KIAA1217: variants seen among roughly 807,000 people sequenced by gnomAD.
The protein encoded by KIAA1217 is sickle tail protein homolog.
KIAA1217 carries 88 observed loss-of-function variants against 163.9 expected under a neutral mutation model. That is an observed-to-expected ratio of 0.54 (90% CI 0.45 to 0.64). The LOEUF (loss-of-function observed/expected upper bound fraction) is 0.64, where lower values mean the gene tolerates loss of function less well. Ranked by LOEUF, KIAA1217 falls within the 30% of genes least tolerant of loss-of-function variation. The probability of loss-of-function intolerance (pLI) is 0.00; values close to 1 mark genes in which losing one functional copy is unlikely to be tolerated. For synonymous variants in KIAA1217, 903 were observed against 923.1 expected, an observed-to-expected ratio of 0.98 and a Z score of 0.39; for missense variants, 2,372 against 2,475.0, an observed-to-expected ratio of 0.96 and a Z score of 0.88.
chr10:23,700,988 G>C (rs577509274), intron 1 of KIAA1217, among the ~76,000 whole-genome samples: 57 of 152,218 alleles, frequency 3.7e-4, no homozygotes, highest in African/African-American at 1.3e-3. Context: ...ATAGAAGGTA[G>C]TCTGTAAATA....
intron 6 of KIAA1217, among the ~76,000 whole-genome samples, chr10:24,477,431 G>A (rs566839676): frequency 6.6e-6 from 1 of 152,310 alleles, no homozygotes; most frequent in East Asian, 1.9e-4. Context: ...GACTATTAAA[G>A]AATTCTACAT....
chr10:24,343,708 T>TA (rs944816729), intron 2 of KIAA1217, among the ~76,000 whole-genome samples: 4 of 152,242 alleles, frequency 2.6e-5, no homozygotes, highest in Admixed American at 6.5e-5. Flanking sequence ...CTAGTGCTCT[T>TA]AGAGTTTAGC....
intron 3 of KIAA1217, among the ~76,000 whole-genome samples, chr10:24,424,037 A>C (rs991428598): frequency 1.3e-5 from 2 of 152,212 alleles, no homozygotes; most frequent in Non-Finnish European, 2.9e-5. Flanking sequence ...TTCAAGATAA[A>C]AACAGTGAAA....
intron 2 of KIAA1217, among the ~76,000 whole-genome samples, chr10:24,289,442 G>A (rs1213588698): frequency 6.6e-6 from 1 of 152,192 alleles, no homozygotes; most frequent in Non-Finnish European, 1.5e-5. Context: ...AAGAGGAGGA[G>A]AAGGTGGAGG....
chr10:23,842,591 C>T (rs1014287301), intron 1 of KIAA1217, among the ~76,000 whole-genome samples: 2 of 152,020 alleles, frequency 1.3e-5, no homozygotes, highest in African/African-American at 4.8e-5. Flanking sequence ...ATATTTAAAT[C>T]CTGAACTGAA....
At chr10:23,879,552 A>G (rs905892387) in intron 1 of KIAA1217, among the ~76,000 whole-genome samples, 8 of 151,922 alleles carry the variant, frequency 5.3e-5, no homozygotes, top group Admixed American at 5.3e-4. Context: ...TGGATTTACA[A>G]GTTGGGTCTT....
chr10:24,397,108 C>A (rs374669773), intron 3 of KIAA1217, among the ~76,000 whole-genome samples: 5 of 114,706 alleles, frequency 4.4e-5, no homozygotes, highest in East Asian at 2.6e-4. Flanking sequence ...GTAAGAAACT[C>A]TTTTTTTTTT....
chr10:24,292,682 T>C (rs1204775374), intron 2 of KIAA1217, among the ~76,000 whole-genome samples: 2 of 152,176 alleles, frequency 1.3e-5, no homozygotes, highest in South Asian at 4.1e-4. Flanking sequence ...AACCCATTGC[T>C]CTGCTGTTTT....
chr10:24,050,903 C>T (rs1200969380), intron 2 of KIAA1217, among the ~76,000 whole-genome samples: 2 of 152,056 alleles, frequency 1.3e-5, no homozygotes, highest in African/African-American at 2.4e-5. Context: ...CTTCAAATGT[C>T]CACTTCTTAA....
chr10:23,758,905 T>C (rs2130852261), intron 1 of KIAA1217, among the ~76,000 whole-genome samples: 1 of 151,768 alleles, frequency 6.6e-6, no homozygotes, highest in East Asian at 2.0e-4. Context: ...CAGGCTGGTC[T>C]TGAACTTCTG....
chr10:23,805,995 TCAAAAAAAAA>T, intron 1 of KIAA1217, among the ~76,000 whole-genome samples: 1 of 3,928 alleles, frequency 2.5e-4, no homozygotes, highest in Non-Finnish European at 4.3e-4. Flanking sequence ...AAACTCCATC[TCAAAAAAAAA>T]AAAAAAAAAA....
chr10:24,220,129 G>A (rs1032636360), intron 2 of KIAA1217, among the ~76,000 whole-genome samples: 11 of 152,114 alleles, frequency 7.2e-5, no homozygotes, highest in Non-Finnish European at 1.5e-5. Flanking sequence ...AAGAGAACAG[G>A]AGGCCAGGCC....
intron 5 of KIAA1217, among the ~76,000 whole-genome samples, chr10:24,453,392 G>A (rs144994197): frequency 1.1e-3 from 167 of 152,298 alleles, no homozygotes; most frequent in African/African-American, 3.7e-3. Context: ...CAGAAATCCT[G>A]TAGTTAGGCC....
intron 2 of KIAA1217, among the ~76,000 whole-genome samples, chr10:24,374,777 A>C (rs147271758): frequency 1.3e-5 from 2 of 152,042 alleles, no homozygotes; most frequent in Middle Eastern, 3.4e-3. Context: ...TCTTTTTTTA[A>C]ATTTTGTATT....
intron 2 of KIAA1217, among the ~76,000 whole-genome samples, chr10:24,175,199 CT>C (rs201076162): frequency 0.017 from 2,605 of 152,256 alleles, 79 homozygotes; most frequent in African/African-American, 0.059. Flanking sequence ...CCCTTCCATC[CT>C]TTTCCCGAGT....
intron 2 of KIAA1217, among the ~76,000 whole-genome samples, chr10:24,111,437 T>C (rs1257477162): frequency 1.3e-5 from 2 of 152,244 alleles, no homozygotes; most frequent in East Asian, 3.8e-4. Context: ...AGGCTATATT[T>C]TGTAGTGTCA....
chr10:23,823,993 C>T (rs1204454387), intron 1 of KIAA1217, among the ~76,000 whole-genome samples: 3 of 151,758 alleles, frequency 2.0e-5, no homozygotes, highest in East Asian at 1.9e-4. Flanking sequence ...AGGGACACAC[C>T]GGGCATGGTG....
chr10:24,334,236 T>C (rs948515083), intron 2 of KIAA1217, among the ~76,000 whole-genome samples: 4 of 152,172 alleles, frequency 2.6e-5, no homozygotes, highest in African/African-American at 9.7e-5. Context: ...ACTTAGTCTA[T>C]TGCAAGAAAG....
intron 2 of KIAA1217, among the ~76,000 whole-genome samples, chr10:24,334,480 G>GAAGGAAGAAAGGAAGA (rs548225852): frequency 2.4e-5 from 2 of 81,768 alleles, no homozygotes; most frequent in Non-Finnish European, 6.8e-5. Flanking sequence ...AGGAAGGAAG[G>GAAGGAAGAAAGGAAGA]AAGGAACTTA....
Sources: gnomAD v4.1 joint callset for allele counts (sites outside exome capture counted in the v4.1 genomes callset) on GRCh38, gnomAD v4.1.1 for gene constraint, MANE v1.5 for transcripts, NCBI Gene and HGNC (gene_info 2026-07-23, HGNC 2026-07-21) for gene names.